MORN5: variants seen among roughly 807,000 people sequenced by gnomAD.
MORN5 encodes MORN repeat containing 5.
Under a neutral mutation model 22.1 loss-of-function variants are expected in MORN5, and 21 were observed. The observed-to-expected ratio is 0.95, with a 90% CI of 0.67 to 1.37. The LOEUF (loss-of-function observed/expected upper bound fraction) is 1.37. MORN5 is among the 40% of genes most tolerant of loss of function. MORN5 has a pLI of 0.00. For synonymous variants in MORN5, 73 were observed against 74.0 expected (o/e 0.99, Z 0.07); for missense variants, 211 against 215.1 (o/e 0.98, Z 0.12).
intron 4 of MORN5, among the ~76,000 whole-genome samples, chr9:122,181,312 CG>C (rs895911769): frequency 4.6e-5 from 7 of 152,134 alleles, no homozygotes; most frequent in African/African-American, 1.7e-4. Context: ...CTTTGAGCTC[CG>C]GGTCCTTCCA....
At chr9:122,166,294 A>ATATATATATATATATATATAT (rs200859903) in intron 1 of MORN5, among the ~76,000 whole-genome samples, 3 of 151,712 alleles carry the variant, frequency 2.0e-5, no homozygotes, top group African/African-American at 7.3e-5. Context: ...ATATATATAT[A>ATATATATATATATATATATAT]ATGGTGGTAA....
chr9:122,185,807 G>GCTCCCACTGCTACC (rs772488638), intron 4 of MORN5, among the ~76,000 whole-genome samples: 5 of 152,208 alleles, frequency 3.3e-5, no homozygotes, highest in Admixed American at 6.5e-5. Flanking sequence ...TAGAGCCAGG[G>GCTCCCACTGCTACC]CTGGTACCCT....
intron 1 of MORN5, among the ~76,000 whole-genome samples, chr9:122,165,282 A>G (rs779255964): frequency 2.7e-5 from 4 of 150,864 alleles, no homozygotes; most frequent in East Asian, 2.0e-4. Context: ...TGGTCAGCCC[A>G]GTGCAGTGGC....
intron 1 of MORN5, among the ~76,000 whole-genome samples, chr9:122,165,574 T>TG (rs900670821): frequency 6.6e-5 from 10 of 151,760 alleles, no homozygotes; most frequent in Admixed American, 3.3e-4. Flanking sequence ...GATCTGGTCT[T>TG]GGGAAAAAAA....
intron 4 of MORN5, among the ~76,000 whole-genome samples, chr9:122,196,454 C>T (rs1829893888): frequency 6.6e-6 from 1 of 151,650 alleles, no homozygotes; most frequent in Admixed American, 6.6e-5. Context: ...CTGACTCAGT[C>T]TCCCATGTAG....
In MORN5 at chr9:122,174,746, G is replaced by A. The variant is rs759557617; in HGVS notation, c.439+119G>A. 11 of 1,594,422 alleles carry A rather than the reference G, an allele frequency of 6.9e-6. 1 individual carries two copies. The South Asian group carries it at 1.2e-4, about 18-fold the overall frequency. On this transcript the variant is annotated intron_variant, in intron 4 of 4. Coordinates refer to ENST00000373764, the MANE Select transcript of MORN5 (RefSeq NM_198469.4). ...AAAGAAGCTTTTGCTGATAGAAGATGAAAGTTGATTACCTGGATGTTTTAT... is the reference window on the plus strand; with the variant it reads ...AAAGAAGCTTTTGCTGATAGAAGATAAAAGTTGATTACCTGGATGTTTTAT...
intron 3 of MORN5, among the ~76,000 whole-genome samples, chr9:122,171,179 C>T (rs962419987): frequency 6.6e-6 from 1 of 152,178 alleles, no homozygotes; most frequent in Non-Finnish European, 1.5e-5. Context: ...CATTCTCTCT[C>T]TATAGCAGGA....
chr9:122,178,107 C>T (rs1042245120), intron 4 of MORN5, among the ~76,000 whole-genome samples: 3 of 152,240 alleles, frequency 2.0e-5, no homozygotes, highest in Admixed American at 6.5e-5. Context: ...CGCCTGTAAC[C>T]TCAGCTACTT....
intron 1 of MORN5, among the ~76,000 whole-genome samples, chr9:122,164,370 G>A (rs1409023307): frequency 2.0e-5 from 3 of 152,212 alleles, no homozygotes; most frequent in African/African-American, 7.2e-5. Context: ...CCTGGGCCAA[G>A]GCAGAAGCAG....
chr9:122,174,864 C>G, intron 4 of MORN5: 1 of 1,332,002 alleles, frequency 7.5e-7, no homozygotes, highest in East Asian at 3.4e-5. Flanking sequence ...ACATAAATGT[C>G]GCACTGAAAG....
intron 4 of MORN5, among the ~76,000 whole-genome samples, chr9:122,187,047 G>T (rs1031802892): frequency 1.3e-5 from 2 of 152,202 alleles, no homozygotes; most frequent in South Asian, 4.1e-4. Flanking sequence ...GAAAAAATGG[G>T]GACAGAAATA....
chr9:122,169,703 A>G lies in MORN5; in HGVS notation c.254A>G (p.Asp85Gly). ...HYDEKNWHYCDGYDRRFYTEI... is the reference protein window; with the variant it reads ...HYDEKNWHYCGGYDRRFYTEI... ...GATGAGAAAAACTGGCATTACTGCG[A>G]CGGCTATGATCGGAGGTTTTACACA... is the stretch of plus-strand genomic sequence containing the variant. The change falls in exon 3 of 5, where the codon GAC becomes GGC. Residue 85 changes from aspartate to glycine, a missense_variant. Physicochemically the swap from Asp to Gly is moderately conservative, Grantham distance 94 (BLOSUM62 -1). Transcript: ENST00000373764. The G allele has an allele frequency of 6.2e-7, 1 of 1,614,130 alleles. No homozygotes were observed. The highest frequency in any genetic ancestry group is 8.5e-7 in the Non-Finnish European group (1 of 1,180,002).
chr9:122,163,791 CTT>C (rs1462557302), intron 1 of MORN5, among the ~76,000 whole-genome samples: 1 of 152,216 alleles, frequency 6.6e-6, no homozygotes, highest in East Asian at 1.9e-4. Flanking sequence ...GGAAATAAAA[CTT>C]ATTTCATCTC....
intron 1 of MORN5, among the ~76,000 whole-genome samples, chr9:122,163,723 C>T (rs762493077): frequency 5.3e-5 from 8 of 152,100 alleles, no homozygotes; most frequent in Non-Finnish European, 1.0e-4. Context: ...ATTTCAATAC[C>T]GTGCACAATT....
rs1829705750 is a variant in MORN5, at chr9:122,189,210, A to AT, written c.440-10675_440-10674insT. Among the ~76,000 whole-genome samples the AT allele has an allele frequency of 2.0e-5, 3 of 152,074 alleles. No homozygotes were observed. The South Asian group carries it at 6.2e-4, about 32-fold the overall frequency. On this transcript the variant is annotated intron_variant, in intron 4 of 4. Coordinates refer to ENST00000373764, the MANE Select transcript of MORN5 (RefSeq NM_198469.4). ...ACTCCATCTGGAGGAAAAAAAAAAA[A>AT]AGATATGTATGTTTTGATCAGTGTC...
chr9:122,181,312 C>T (rs1014466453), intron 4 of MORN5, among the ~76,000 whole-genome samples: 8 of 152,134 alleles, frequency 5.3e-5, no homozygotes, highest in Admixed American at 3.3e-4. Flanking sequence ...CTTTGAGCTC[C>T]GGGTCCTTCC....
At chr9:122,161,129 G>C (rs16911507) in intron 1 of MORN5, among the ~76,000 whole-genome samples, 14,034 of 152,214 alleles carry the variant, frequency 0.092, 747 homozygotes, top group East Asian at 0.24. Flanking sequence ...GGAAACCAAG[G>C]CTGGACGATA....
intron 1 of MORN5, among the ~76,000 whole-genome samples, chr9:122,165,892 G>A (rs529304986): frequency 9.9e-5 from 15 of 152,254 alleles, no homozygotes; most frequent in African/African-American, 3.4e-4. Flanking sequence ...AAGCAAAGAG[G>A]TTTGGGAAAG....
At chr9:122,185,168 G>GCC (rs1829598828) in intron 4 of MORN5, among the ~76,000 whole-genome samples, 1 of 152,058 alleles carries the variant, frequency 6.6e-6, no homozygotes, top group Non-Finnish European at 1.5e-5. Flanking sequence ...CCATTCTCCT[G>GCC]CCTCAGCCTC....
Sources: allele counts gnomAD v4.1 joint callset (sites outside exome capture counted in the v4.1 genomes callset), GRCh38; gene constraint gnomAD v4.1.1; transcripts MANE v1.5; gene names NCBI Gene and HGNC (gene_info 2026-07-23, HGNC 2026-07-21).